STK39: variants seen among roughly 807,000 people sequenced by gnomAD.
STK39 encodes the protein serine/threonine kinase 39.
A neutral mutation model predicts 77.8 loss-of-function variants in STK39; 20 were observed. That is an observed-to-expected ratio of 0.26 (90% CI 0.18 to 0.37). The LOEUF is 0.37. Among genes scored for constraint, STK39 ranks in the 10% least tolerant of loss-of-function variants. The pLI is 1.00. For synonymous variants in STK39, 246 were observed against 234.1 expected (o/e 1.05, Z -0.47); for missense variants, 479 against 656.5 (o/e 0.73, Z 2.95).
At chr2:168,120,444 G>A (rs999542920) in intron 10 of STK39, among the ~76,000 whole-genome samples, 1 of 152,110 alleles carries the variant, frequency 6.6e-6, no homozygotes, top group Non-Finnish European at 1.5e-5. Flanking sequence ...TGACGTTTGT[G>A]CGTTCTTCAC....
chr2:168,154,871 A>G (rs902796008), intron 5 of STK39, among the ~76,000 whole-genome samples: 19 of 152,256 alleles, frequency 1.2e-4, no homozygotes, highest in African/African-American at 4.6e-4. Flanking sequence ...CAGAAGGAGC[A>G]GGCTATACAA....
chr2:168,015,191 G>A (rs1234695795), intron 15 of STK39, among the ~76,000 whole-genome samples: 1 of 152,178 alleles, frequency 6.6e-6, no homozygotes, highest in Non-Finnish European at 1.5e-5. Context: ...AAATATTCAT[G>A]TATTAATTTC....
chr2:168,136,033 C>T (rs1260603585), intron 8 of STK39, among the ~76,000 whole-genome samples: 1 of 148,876 alleles, frequency 6.7e-6, no homozygotes, highest in Admixed American at 6.7e-5. Flanking sequence ...TATTTAAGCT[C>T]ATATAATGAA....
intron 16 of STK39, among the ~76,000 whole-genome samples, chr2:167,969,105 T>A (rs1310019695): frequency 1.3e-5 from 2 of 152,222 alleles, no homozygotes; most frequent in Non-Finnish European, 2.9e-5. Context: ...AATGAAGATA[T>A]TAATGGTGCC....
intron 4 of STK39, among the ~76,000 whole-genome samples, chr2:168,163,407 T>C (rs901730209): frequency 1.3e-5 from 2 of 152,242 alleles, no homozygotes; most frequent in Non-Finnish European, 2.9e-5. Flanking sequence ...CATGTAGTCC[T>C]TTTTAGATTC....
intron 8 of STK39, among the ~76,000 whole-genome samples, chr2:168,135,793 A>T (rs949632523): frequency 1.5e-4 from 23 of 152,184 alleles, no homozygotes; most frequent in African/African-American, 5.1e-4. Flanking sequence ...GTGATGTGCC[A>T]CTAACAGTCT....
At chr2:168,016,404 AAAAAAAAAAC>A (rs1357514317) in intron 15 of STK39, among the ~76,000 whole-genome samples, 4 of 150,950 alleles carry the variant, frequency 2.6e-5, no homozygotes, top group African/African-American at 9.7e-5. Flanking sequence ...AAAAAAAAAA[AAAAAAAAAAC>A]AACACTACTG....
intron 17 of STK39, among the ~76,000 whole-genome samples, chr2:167,960,005 A>G (rs1016898486): frequency 7.2e-5 from 11 of 152,194 alleles, no homozygotes; most frequent in Admixed American, 1.3e-4. Context: ...GTGAAGGAGA[A>G]GTTCAGAACA....
chr2:168,120,028 G>A (rs968398816), intron 10 of STK39, among the ~76,000 whole-genome samples: 1 of 152,166 alleles, frequency 6.6e-6, no homozygotes, highest in Non-Finnish European at 1.5e-5. Flanking sequence ...AAAACTAGGA[G>A]ATATTTGTGG....
chr2:168,174,832 TAA>T (rs397869438), intron 2 of STK39, among the ~76,000 whole-genome samples: 46 of 112,610 alleles, frequency 4.1e-4, no homozygotes, highest in African/African-American at 4.8e-4. Flanking sequence ...CTTCATCTCT[TAA>T]AAAAAAAAAA....
intron 14 of STK39, among the ~76,000 whole-genome samples, chr2:168,057,922 A>G (rs1685568204): frequency 6.6e-6 from 1 of 151,998 alleles, no homozygotes; most frequent in African/African-American, 2.4e-5. Context: ...ATCCCTGTTC[A>G]CCCATCTGAG....
intron 14 of STK39, among the ~76,000 whole-genome samples, chr2:168,062,332 C>T (rs542813281): frequency 7.9e-5 from 12 of 152,252 alleles, no homozygotes; most frequent in Admixed American, 3.3e-4. Flanking sequence ...AGAAGTACCT[C>T]GTTCGAAAGT....
At chr2:168,224,024 CACAT>C (rs1177784927) in intron 1 of STK39, among the ~76,000 whole-genome samples, 5 of 151,902 alleles carry the variant, frequency 3.3e-5, no homozygotes, top group African/African-American at 1.2e-4. Context: ...TTACTTTACA[CACAT>C]AAACACACAA....
chr2:168,096,517 G>A (rs1405187151), intron 10 of STK39, among the ~76,000 whole-genome samples: 2 of 152,138 alleles, frequency 1.3e-5, no homozygotes, highest in Non-Finnish European at 2.9e-5. Context: ...TTCTACCCTG[G>A]AAAAACAAAA....
chr2:167,985,470 G>A (rs1007563926), intron 16 of STK39, among the ~76,000 whole-genome samples: 1 of 152,118 alleles, frequency 6.6e-6, no homozygotes, highest in Non-Finnish European at 1.5e-5. Flanking sequence ...TCACCAAGCA[G>A]GATATCTGCA....
intron 2 of STK39, among the ~76,000 whole-genome samples, chr2:168,170,551 T>C (rs1198924701): frequency 6.6e-6 from 1 of 152,218 alleles, no homozygotes; most frequent in African/African-American, 2.4e-5. Flanking sequence ...TCGGAAGGGC[T>C]GCAGTGCGGC....
At chr2:168,228,086 A>C (rs1427167703) in intron 1 of STK39, among the ~76,000 whole-genome samples, 3 of 152,244 alleles carry the variant, frequency 2.0e-5, no homozygotes, top group Non-Finnish European at 4.4e-5. Context: ...AGACATTAAG[A>C]GTAGATTGTA....
At chr2:168,091,006 A>G (rs1184018836) in intron 10 of STK39, among the ~76,000 whole-genome samples, 1 of 152,184 alleles carries the variant, frequency 6.6e-6, no homozygotes, top group Non-Finnish European at 1.5e-5. Flanking sequence ...TTAACATCCT[A>G]TCGTGCTGGG....
At chr2:168,246,192 G>C (rs1234206520) in intron 1 of STK39, among the ~76,000 whole-genome samples, 3 of 152,054 alleles carry the variant, frequency 2.0e-5, no homozygotes, top group Non-Finnish European at 4.4e-5. Context: ...CCATCCCTGC[G>C]TCAGTAAGGT....
Sources: gnomAD v4.1 joint callset for allele counts (sites outside exome capture counted in the v4.1 genomes callset) on GRCh38, gnomAD v4.1.1 for gene constraint, MANE v1.5 for transcripts, NCBI Gene and HGNC (gene_info 2026-07-23, HGNC 2026-07-21) for gene names.